Variants in ANO10 observed in about 807,000 individuals in gnomAD.
ANO10 encodes the protein anoctamin 10.
In ANO10, 77 loss-of-function variants were observed where a neutral mutation model predicts 74.7. That is an observed-to-expected ratio of 1.03 (90% CI 0.86 to 1.25). The LOEUF is 1.25. ANO10 is among the 50% of genes most tolerant of loss of function. The pLI is 0.00. For missense variants in ANO10, 721 were observed against 778.1 expected, an observed-to-expected ratio of 0.93 and a Z score of 0.87; for synonymous variants, 279 against 284.9, an observed-to-expected ratio of 0.98 and a Z score of 0.21.
At chr3:43,527,323 T>C (rs938803488) in intron 11 of ANO10, among the ~76,000 whole-genome samples, 2 of 152,202 alleles carry the variant, frequency 1.3e-5, no homozygotes, top group South Asian at 4.1e-4. Flanking sequence ...GAACTAGGTA[T>C]AAATCAAAAT....
rs890131811 is a variant in ANO10 at position 43,385,352 on chromosome 3, A to C, written c.1915-18378T>G. ...ACAACCACTATAGAAAACAGTGTGG[A>C]GATTCCTTAAATAACTAAAAATAGA... On this transcript the variant is annotated intron_variant, in intron 12 of 12. Transcript: ENST00000292246. Among the ~76,000 whole-genome samples the C allele has an allele frequency of 1.1e-4, 17 of 152,340 alleles. 2 individuals carry two copies. In the South Asian group the frequency reaches 1.5e-3, roughly 13 times the overall value.
At chr3:43,544,457 T>C (rs1451105366) in intron 11 of ANO10, among the ~76,000 whole-genome samples, 2 of 151,884 alleles carry the variant, frequency 1.3e-5, no homozygotes, top group Non-Finnish European at 2.9e-5. Context: ...CATTTTTGCC[T>C]TTACTCAGTT....
At chr3:43,499,782 C>A (rs934499698) in intron 11 of ANO10, among the ~76,000 whole-genome samples, 2 of 151,782 alleles carry the variant, frequency 1.3e-5, no homozygotes, top group Non-Finnish European at 2.9e-5. Context: ...CACTCCTGTG[C>A]TACCTACAAA....
chr3:43,525,543 CA>C lies in ANO10; in HGVS notation c.1797+24176del, dbSNP rs1414131728. Among the ~76,000 whole-genome samples the C allele has an allele frequency of 2.0e-5, 3 of 152,344 alleles. No individual in the cohort carries two copies. In the East Asian group the frequency reaches 5.8e-4, roughly 29 times the overall value. On this transcript the variant is annotated intron_variant, in intron 11 of 12. Coordinates refer to ENST00000292246, the MANE Select transcript of ANO10 (RefSeq NM_018075.5). ...CAAGTATCTGCTAAGTGAGCACCCC[CA>C]CGAGGCACAGTTAACCCCATGGTCA...
chr3:43,601,645 C>G (rs2082340207), intron 2 of ANO10, among the ~76,000 whole-genome samples: 1 of 152,156 alleles, frequency 6.6e-6, no homozygotes, highest in African/African-American at 2.4e-5. Context: ...AAGACACTAT[C>G]ATCTAGGTAA....
intron 1 of ANO10, among the ~76,000 whole-genome samples, chr3:43,672,525 T>C (rs994895620): frequency 2.6e-5 from 4 of 152,136 alleles, no homozygotes; most frequent in Non-Finnish European, 5.9e-5. Flanking sequence ...AGCGAAACCC[T>C]GCCTTAAAAA....
At chr3:43,659,927 G>T (rs1393985434) in intron 1 of ANO10, among the ~76,000 whole-genome samples, 3 of 152,170 alleles carry the variant, frequency 2.0e-5, no homozygotes, top group Non-Finnish European at 4.4e-5. Context: ...CTCTGCTGGT[G>T]ATACCCAGGC....
intron 3 of ANO10, among the ~76,000 whole-genome samples, chr3:43,598,887 C>T (rs1330199494): frequency 2.0e-5 from 3 of 152,132 alleles, no homozygotes; most frequent in Non-Finnish European, 2.9e-5. Flanking sequence ...CTACAATAAT[C>T]ATTTTAATAC....
At chr3:43,504,160 C>T (rs1053517738) in intron 11 of ANO10, among the ~76,000 whole-genome samples, 5 of 152,076 alleles carry the variant, frequency 3.3e-5, no homozygotes, top group African/African-American at 7.2e-5. Flanking sequence ...CCCAGCTACT[C>T]GGGATGCTGA....
chr3:43,444,319 A>T (rs1178626378), intron 11 of ANO10, among the ~76,000 whole-genome samples: 5 of 152,220 alleles, frequency 3.3e-5, no homozygotes, highest in Admixed American at 3.3e-4. Context: ...TCAGAGCCAC[A>T]TTTCATGCAC....
At chr3:43,409,485 A>G (rs955855733) in intron 12 of ANO10, among the ~76,000 whole-genome samples, 5 of 152,116 alleles carry the variant, frequency 3.3e-5, no homozygotes, top group African/African-American at 1.2e-4. Flanking sequence ...CAGAGTTTGC[A>G]GTGAGCCAAG....
chr3:43,552,697 GATATATATATATATAT>G lies in ANO10; in HGVS notation c.1668+2565_1668+2580del, dbSNP rs57438732. The stretch of plus-strand genomic sequence containing the variant: ...TCATTTCTGAAAAATATTATCTCTG[GATATATATATATATAT>G]ATATATATATATATATGTATGTATG... On this transcript the variant is annotated intron_variant, in intron 10 of 12. Transcript: ENST00000292246. Among the ~76,000 whole-genome samples, 426 of 124,490 alleles carry G rather than the reference GATATATATATATATAT, an allele frequency of 3.4e-3. 6 individuals carry two copies. The highest frequency in any genetic ancestry group is 0.011 in the African/African-American group (374 of 32,934). 81.7% of individuals were successfully genotyped at this position (124,490 alleles called of 152,430 possible).
intron 11 of ANO10, among the ~76,000 whole-genome samples, chr3:43,508,508 A>G (rs1041310451): frequency 1.3e-5 from 2 of 152,236 alleles, no homozygotes; most frequent in African/African-American, 4.8e-5. Context: ...TGTTTACTGC[A>G]GCACTATTCA....
At chr3:43,501,424 A>G (rs889696512) in intron 11 of ANO10, among the ~76,000 whole-genome samples, 1 of 152,224 alleles carries the variant, frequency 6.6e-6, no homozygotes, top group African/African-American at 2.4e-5. Flanking sequence ...TGGAGGGACA[A>G]ACATCCAAAC....
At position 43,629,809 on chromosome 3, in the gene ANO10, A is replaced by G. The variant is rs115283951; in HGVS notation, c.-11-23946T>C. ...TGCGATGGATATTCTTGGGTTTGAGATGCCTTTTGGAAATCTGAGTCAGTA... is the reference window on the plus strand; with the variant it reads ...TGCGATGGATATTCTTGGGTTTGAGGTGCCTTTTGGAAATCTGAGTCAGTA... On this transcript the variant is annotated intron_variant, in intron 1 of 3. Transcript: ENST00000413397. Among the ~76,000 whole-genome samples, 397 of 152,322 alleles carry G rather than the reference A, an allele frequency of 2.6e-3. 1 individual carries two copies. The highest frequency in any genetic ancestry group is 4.7e-3 in the Non-Finnish European group (317 of 68,016).
At chr3:43,603,115 A>G (rs2082409473) in intron 2 of ANO10, among the ~76,000 whole-genome samples, 1 of 151,994 alleles carries the variant, frequency 6.6e-6, no homozygotes, top group South Asian at 2.1e-4. Flanking sequence ...CATACTTTCC[A>G]TTTTCCCAAA....
At chr3:43,424,586 C>T (rs559940981) in intron 12 of ANO10, 2 of 152,322 alleles carry the variant, frequency 1.3e-5, no homozygotes, top group Admixed American at 6.5e-5. Context: ...GTGGCCCTCA[C>T]CCAGGAACTG....
intron 11 of ANO10, among the ~76,000 whole-genome samples, chr3:43,496,949 C>T (rs556625696): frequency 1.3e-5 from 2 of 152,262 alleles, no homozygotes; most frequent in East Asian, 1.9e-4. Context: ...ATGTCCTCCC[C>T]CAGCTATGGA....
intron 11 of ANO10, among the ~76,000 whole-genome samples, chr3:43,487,166 G>A (rs1242507998): frequency 6.0e-5 from 9 of 150,662 alleles, no homozygotes; most frequent in East Asian, 5.8e-4. Context: ...ACTTGATCAC[G>A]GTGGATAAGC....
Sources: gnomAD v4.1 joint callset for allele counts (sites outside exome capture counted in the v4.1 genomes callset) on GRCh38, gnomAD v4.1.1 for gene constraint, MANE v1.5 for transcripts, NCBI Gene and HGNC (gene_info 2026-07-23, HGNC 2026-07-21) for gene names.